DIAPH3: variants seen among roughly 807,000 people sequenced by gnomAD.
The protein encoded by DIAPH3 is protein diaphanous homolog 3.
A neutral mutation model predicts 144.3 loss-of-function variants in DIAPH3; 117 were observed. The ratio of observed to expected loss-of-function variants is 0.81; its 90% CI spans 0.70 to 0.95. The LOEUF (loss-of-function observed/expected upper bound fraction) is 0.95. DIAPH3 is among the 40% of genes least tolerant of loss of function. The pLI, the probability that DIAPH3 is intolerant of heterozygous loss-of-function variation, is 0.00. For missense variants in DIAPH3, 1,421 were observed against 1,412.7 expected (o/e 1.01, Z -0.09); for synonymous variants, 519 against 488.9 (o/e 1.06, Z -0.81).
intron 5 of DIAPH3, among the ~76,000 whole-genome samples, chr13:60,024,662 A>G (rs999252375): frequency 2.6e-5 from 4 of 152,162 alleles, no homozygotes; most frequent in African/African-American, 4.8e-5. Flanking sequence ...TGGTATGACC[A>G]TATTTTTTAT....
At chr13:59,780,076 G>T (rs1238909396) in intron 25 of DIAPH3, among the ~76,000 whole-genome samples, 1 of 151,752 alleles carries the variant, frequency 6.6e-6, no homozygotes, top group Non-Finnish European at 1.5e-5. Context: ...ATGGTACTGT[G>T]TGCCAGGATG....
At chr13:59,954,174 C>A (rs969618427) in intron 17 of DIAPH3, among the ~76,000 whole-genome samples, 3 of 152,130 alleles carry the variant, frequency 2.0e-5, no homozygotes, top group African/African-American at 7.2e-5. Flanking sequence ...AAAGTAAATT[C>A]TTGATTTTCA....
At chr13:59,980,938 A>G in intron 13 of DIAPH3, 79 bp from the exon 14 acceptor site, 1 of 1,206,104 alleles carries the variant, frequency 8.3e-7, no homozygotes, top group South Asian at 1.3e-5. Flanking sequence ...GAAAGAAAAA[A>G]GATCATAGAA....
intron 9 of DIAPH3, among the ~76,000 whole-genome samples, chr13:60,007,954 T>C (rs2052986182): frequency 1.3e-5 from 2 of 152,124 alleles, no homozygotes; most frequent in Admixed American, 1.3e-4. Flanking sequence ...GAATAAACAG[T>C]TCATAGAACT....
intron 27 of DIAPH3, among the ~76,000 whole-genome samples, chr13:59,771,803 T>C (rs1289894366): frequency 6.6e-6 from 1 of 152,160 alleles, no homozygotes; most frequent in Non-Finnish European, 1.5e-5. Context: ...GACTCTCTGA[T>C]AGAAATATTT....
intron 27 of DIAPH3, among the ~76,000 whole-genome samples, chr13:59,728,475 A>C (rs985499098): frequency 6.6e-6 from 1 of 152,120 alleles, no homozygotes; most frequent in Non-Finnish European, 1.5e-5. Flanking sequence ...AAGAAAAGAT[A>C]GAAGAGATAG....
intron 21 of DIAPH3, among the ~76,000 whole-genome samples, chr13:59,863,869 A>G (rs1378384610): frequency 6.6e-6 from 1 of 152,186 alleles, no homozygotes; most frequent in African/African-American, 2.4e-5. Flanking sequence ...TGATTTGGCA[A>G]TGTTAAAACA....
chr13:60,072,889 A>G (rs2141358972), intron 4 of DIAPH3, among the ~76,000 whole-genome samples: 1 of 152,320 alleles, frequency 6.6e-6, no homozygotes, highest in African/African-American at 2.4e-5. Flanking sequence ...ATTTTCAAGG[A>G]CTAAAAATAA....
At chr13:59,923,665 G>A (rs1332927096) in intron 18 of DIAPH3, among the ~76,000 whole-genome samples, 2 of 152,074 alleles carry the variant, frequency 1.3e-5, no homozygotes, top group Non-Finnish European at 2.9e-5. Flanking sequence ...ATCTTCACTG[G>A]TCCAAGCATG....
chr13:60,085,842 T>A (rs2057728246), intron 4 of DIAPH3, among the ~76,000 whole-genome samples: 1 of 152,156 alleles, frequency 6.6e-6, no homozygotes, highest in Non-Finnish European at 1.5e-5. Flanking sequence ...GGTAAGTTTT[T>A]AATTATATTC....
intron 4 of DIAPH3, among the ~76,000 whole-genome samples, chr13:60,077,921 G>C (rs1161007609): frequency 6.6e-6 from 1 of 152,076 alleles, no homozygotes; most frequent in African/African-American, 2.4e-5. Context: ...CCTATAAGGA[G>C]AGAAGAGACT....
chr13:59,906,224 A>T (rs1276243585), intron 20 of DIAPH3, among the ~76,000 whole-genome samples: 1 of 152,240 alleles, frequency 6.6e-6, no homozygotes, highest in Non-Finnish European at 1.5e-5. Context: ...GAAAAATCAT[A>T]ATATGGGCTA....
chr13:60,071,552 G>A (rs1272950856), intron 4 of DIAPH3, among the ~76,000 whole-genome samples: 1 of 152,082 alleles, frequency 6.6e-6, no homozygotes, highest in African/African-American at 2.4e-5. Context: ...GGGCCCTCAA[G>A]GTAGCTTTCA....
chr13:59,885,581 C>CGGAAA (rs2045389810), intron 20 of DIAPH3, among the ~76,000 whole-genome samples: 1 of 151,716 alleles, frequency 6.6e-6, no homozygotes, highest in Non-Finnish European at 1.5e-5. Flanking sequence ...TGCTGATGGA[C>CGGAAA]TTTCCCCCCA....
chr13:60,124,620 G>T (rs554975449), intron 2 of DIAPH3, among the ~76,000 whole-genome samples: 1 of 151,902 alleles, frequency 6.6e-6, no homozygotes, highest in Non-Finnish European at 1.5e-5. Context: ...GTCTCATATC[G>T]ATGGCATCAA....
intron 20 of DIAPH3, among the ~76,000 whole-genome samples, chr13:59,888,827 A>T (rs2045610687): frequency 6.6e-6 from 1 of 150,596 alleles, no homozygotes; most frequent in South Asian, 2.1e-4. Context: ...ATGTCACCTT[A>T]TTTTTTTTTA....
intron 20 of DIAPH3, among the ~76,000 whole-genome samples, chr13:59,889,095 CT>C (rs2045630364): frequency 6.6e-6 from 1 of 151,818 alleles, no homozygotes; most frequent in Non-Finnish European, 1.5e-5. Context: ...ATCTTTTTCT[CT>C]TTATATTTTT....
intron 2 of DIAPH3, among the ~76,000 whole-genome samples, chr13:60,113,092 G>A (rs2138074988): frequency 6.6e-6 from 1 of 152,172 alleles, no homozygotes; most frequent in Admixed American, 6.5e-5. Flanking sequence ...TTAAGCTACT[G>A]TTCTCACCAC....
chr13:59,929,664 G>A (rs1159669673), intron 17 of DIAPH3, among the ~76,000 whole-genome samples: 1 of 144,154 alleles, frequency 6.9e-6, no homozygotes, highest in South Asian at 2.2e-4. Flanking sequence ...CCAGGTTCAA[G>A]CAATTCTCCT....
Sources: gnomAD v4.1 joint callset for allele counts (sites outside exome capture counted in the v4.1 genomes callset) on GRCh38, gnomAD v4.1.1 for gene constraint, MANE v1.5 for transcripts, NCBI Gene and HGNC (gene_info 2026-07-23, HGNC 2026-07-21) for gene names.